The following SLC35D2 variants were observed in gnomAD, a reference collection of about 807,000 sequenced individuals.
SLC35D2 encodes the protein solute carrier family 35 member D2.
In SLC35D2, 43 loss-of-function variants were observed where a neutral mutation model predicts 41.8. That is an observed-to-expected ratio of 1.03 (90% confidence interval 0.81 to 1.33). The LOEUF (loss-of-function observed/expected upper bound fraction) is 1.33, where lower values mean the gene tolerates loss of function less well. Ranked by LOEUF, SLC35D2 falls within the 40% of genes most tolerant of loss-of-function variation. SLC35D2 has a pLI of 0.00. For synonymous variants in SLC35D2, 150 were observed against 163.9 expected (o/e 0.92, Z 0.65); for missense variants, 380 against 408.4 (o/e 0.93, Z 0.60).
intron 8 of SLC35D2, among the ~76,000 whole-genome samples, chr9:96,339,204 G>A (rs1240189002): frequency 2.0e-5 from 3 of 151,944 alleles, no homozygotes; most frequent in Admixed American, 6.6e-5. Flanking sequence ...TCCACCTCTC[G>A]GGTTCAAGCG....
intron 4 of SLC35D2, among the ~76,000 whole-genome samples, chr9:96,352,542 A>T (rs2130938882): frequency 6.6e-6 from 1 of 152,092 alleles, no homozygotes. Flanking sequence ...GGCTGGTCTC[A>T]AACACCTGAC....
At chr9:96,350,346 C>CTT (rs1564107383) in intron 6 of SLC35D2, among the ~76,000 whole-genome samples, 1 of 130,534 alleles carries the variant, frequency 7.7e-6, no homozygotes, top group Non-Finnish European at 1.6e-5. Flanking sequence ...AATTTTCTTT[C>CTT]CTTTTTTTTT....
At chr9:96,354,811 C>T (rs1234358385) in intron 4 of SLC35D2, among the ~76,000 whole-genome samples, 1 of 137,842 alleles carries the variant, frequency 7.3e-6, no homozygotes, top group Non-Finnish European at 1.6e-5. Context: ...GCAATTTCAT[C>T]TAAAATAGCA....
chr9:96,341,184 G>A (rs1829309324), intron 8 of SLC35D2, among the ~76,000 whole-genome samples: 1 of 152,116 alleles, frequency 6.6e-6, no homozygotes, highest in Non-Finnish European at 1.5e-5. Context: ...CTACTCAGGA[G>A]GCCGAGGCAG....
At chr9:96,345,672 A>G (rs1465264052) in intron 6 of SLC35D2, among the ~76,000 whole-genome samples, 3 of 152,182 alleles carry the variant, frequency 2.0e-5, no homozygotes, top group Admixed American at 2.0e-4. Flanking sequence ...TCGCTAGCTG[A>G]TGAATCCACA....
rs187113034 is a variant in SLC35D2 at position 96,355,962 on chromosome 9, T to G, written c.348-3853A>C. Among the ~76,000 whole-genome samples the G allele has an allele frequency of 7.3e-3, 1,106 of 152,348 alleles. 8 individuals are homozygous for G. Among genetic ancestry groups the G allele is most frequent in the Non-Finnish European group, 0.012 (814 of 68,024 alleles). On this transcript the variant is annotated intron_variant, in intron 4 of 11. Coordinates refer to ENST00000253270, the MANE Select transcript of SLC35D2 (RefSeq NM_007001.3). The stretch of plus-strand genomic sequence containing the variant: ...TTGCTACAGTTTGGATATCTGACCC[T>G]TTATGCCTCATGTTAAAATTGGATC...
At chr9:96,358,080 T>TTTATATATATATATATA (rs990002916) in intron 4 of SLC35D2, among the ~76,000 whole-genome samples, 73 of 122,638 alleles carry the variant, frequency 6.0e-4, no homozygotes, top group African/African-American at 2.5e-3. Flanking sequence ...ATTATATATT[T>TTTATATATATATATATA]TATATATATA....
intron 9 of SLC35D2, among the ~76,000 whole-genome samples, chr9:96,331,908 C>A (rs1278363470): frequency 1.3e-5 from 2 of 152,112 alleles, no homozygotes; most frequent in Non-Finnish European, 2.9e-5. Context: ...GAATCCAATG[C>A]CTGATAATCT....
chr9:96,360,151 T>C lies in SLC35D2; in HGVS notation c.347+3A>G. 1 of 1,609,746 alleles carries C rather than the reference T, an allele frequency of 6.2e-7. No individual in the cohort carries two copies. The stretch of plus-strand genomic sequence containing the variant: ...TTCCACCAGCCATTATCCTATACTC[T>C]ACCTTAATTTACTTGTGCTTGATAA... On this transcript the variant is annotated splice_donor_region_variant and intron_variant, in intron 4 of 11. Transcript: ENST00000253270.
intron 9 of SLC35D2, among the ~76,000 whole-genome samples, chr9:96,335,862 G>A (rs534294328): frequency 8.6e-5 from 13 of 151,888 alleles, no homozygotes; most frequent in African/African-American, 3.1e-4. Context: ...GATCATCCTG[G>A]CTAATACAGT....
chr9:96,357,948 A>T (rs1225788138), intron 4 of SLC35D2, among the ~76,000 whole-genome samples: 1 of 151,844 alleles, frequency 6.6e-6, no homozygotes, highest in Admixed American at 6.6e-5. Context: ...CCGAGACAGG[A>T]GAATCGCTTG....
chr9:96,345,216 A>G (rs1829521229), intron 7 of SLC35D2, 83 bp downstream of exon 7: 1 of 700,238 alleles, frequency 1.4e-6, no homozygotes, highest in Non-Finnish European at 2.5e-6. Flanking sequence ...ATTACATTCC[A>G]ACTGTACACA....
intron 9 of SLC35D2, among the ~76,000 whole-genome samples, 156 bp downstream of exon 9, chr9:96,336,561 C>G (rs1372099218): frequency 6.6e-6 from 1 of 152,138 alleles, no homozygotes; most frequent in Non-Finnish European, 1.5e-5. Context: ...TCCAGGTATC[C>G]TGGGTCCCTG....
chr9:96,379,947 G>A (rs1021996041), intron 1 of SLC35D2, among the ~76,000 whole-genome samples: 1 of 150,178 alleles, frequency 6.7e-6, no homozygotes, highest in African/African-American at 2.5e-5. Flanking sequence ...ACCCAGGCTG[G>A]AGTGCGATGG....
chr9:96,345,985 TA>T (rs1319486213), intron 6 of SLC35D2, among the ~76,000 whole-genome samples: 1 of 152,242 alleles, frequency 6.6e-6, no homozygotes, highest in East Asian at 1.9e-4. Context: ...AGCACCAGCA[TA>T]AATACGTTTG....
intron 1 of SLC35D2, among the ~76,000 whole-genome samples, chr9:96,380,188 C>T (rs112395212): frequency 0.066 from 10,004 of 152,124 alleles, 430 homozygotes; most frequent in East Asian, 0.22. Flanking sequence ...TGAGCCACCG[C>T]GCCCGGCCCT....
intron 1 of SLC35D2, among the ~76,000 whole-genome samples, chr9:96,381,843 C>T (rs1831210660): frequency 6.6e-6 from 1 of 152,174 alleles, no homozygotes; most frequent in Non-Finnish European, 1.5e-5. Flanking sequence ...CCCGCCCAGG[C>T]ACAGTGATCT....
chr9:96,315,590 C>T (rs895023530), intron 11 of SLC35D2, among the ~76,000 whole-genome samples: 28 of 152,150 alleles, frequency 1.8e-4, no homozygotes, highest in African/African-American at 6.0e-4. Context: ...CCTGCCACCA[C>T]GCCCAGCTAA....
chr9:96,377,954 C>T (rs1831025621), intron 1 of SLC35D2, among the ~76,000 whole-genome samples: 1 of 152,206 alleles, frequency 6.6e-6, no homozygotes, highest in African/African-American at 2.4e-5. Flanking sequence ...CCAGCTCCAT[C>T]AAGGGGGGTG....
Sources: allele counts gnomAD v4.1 joint callset (sites outside exome capture counted in the v4.1 genomes callset), GRCh38; gene constraint gnomAD v4.1.1; transcripts MANE v1.5; gene names NCBI Gene and HGNC (gene_info 2026-07-23, HGNC 2026-07-21).